The following DNAAF9 variants were observed in gnomAD, a reference collection of about 807,000 sequenced individuals.
DNAAF9 encodes the protein shulin.
A neutral mutation model predicts 167.0 loss-of-function variants in DNAAF9; 90 were observed. The ratio of observed to expected loss-of-function variants is 0.54; its 90% CI spans 0.45 to 0.64. The LOEUF is 0.64. DNAAF9 is among the 30% of genes least tolerant of loss of function. The pLI is 0.00. For synonymous variants in DNAAF9, 491 were observed against 508.8 expected, an observed-to-expected ratio of 0.96 and a Z score of 0.47; for missense variants, 1,315 against 1,442.2, an observed-to-expected ratio of 0.91 and a Z score of 1.43.
intron 32 of DNAAF9, 144 bp from the exon 33 acceptor site, chr20:3,259,698 C>A: frequency 1.4e-6 from 1 of 723,374 alleles, no homozygotes; most frequent in South Asian, 1.6e-5. Context: ...CACCCTGTTG[C>A]TCCCCTGTGG....
chr20:3,344,624 CA>C (rs778539341), intron 8 of DNAAF9, among the ~76,000 whole-genome samples: 2,244 of 146,352 alleles, frequency 0.015, 26 homozygotes, highest in Non-Finnish European at 0.023. Flanking sequence ...CACACACACA[CA>C]CACACACACA....
chr20:3,256,813 A>G (rs1429294536), intron 33 of DNAAF9, among the ~76,000 whole-genome samples: 1 of 152,166 alleles, frequency 6.6e-6, no homozygotes, highest in African/African-American at 2.4e-5. Flanking sequence ...CCTTGGTAGA[A>G]GTGGGGGGCT....
At chr20:3,367,558 T>C (rs560342945) in intron 6 of DNAAF9, among the ~76,000 whole-genome samples, 2 of 152,136 alleles carry the variant, frequency 1.3e-5, no homozygotes, top group Admixed American at 6.5e-5. Flanking sequence ...TTATTGGCCA[T>C]TGTAGGGTTA....
At position 3,371,117 on chromosome 20, in the gene DNAAF9, T is replaced by G. The variant is rs547148231; in HGVS notation, c.612+2931A>C. Among the ~76,000 whole-genome samples the G allele has an allele frequency of 3.2e-4, 48 of 152,252 alleles. No homozygotes were observed. The South Asian group carries it at 1.0e-2, about 32-fold the overall frequency. On this transcript the variant is annotated intron_variant, in intron 6 of 36. Coordinates refer to ENST00000252032, the MANE Select transcript of DNAAF9 (RefSeq NM_001009984.3). ...GGAAAAGCTTTTCAAGTGTGTCAAC[T>G]GATTAGATTTTTTATATCTTTTTTT...
chr20:3,294,952 G>A (rs1009899671), intron 23 of DNAAF9, among the ~76,000 whole-genome samples: 3 of 151,614 alleles, frequency 2.0e-5, no homozygotes, highest in Non-Finnish European at 2.9e-5. Context: ...TGCAAGCTCC[G>A]CCTCCCGGGT....
chr20:3,331,317 T>C (rs184539798), intron 11 of DNAAF9, among the ~76,000 whole-genome samples: 16 of 152,342 alleles, frequency 1.1e-4, no homozygotes, highest in South Asian at 8.3e-4. Flanking sequence ...GTTCTACCTC[T>C]TGCTTTATCT....
chr20:3,375,160 G>A lies in DNAAF9; in HGVS notation c.409-34C>T, dbSNP rs376379324. 7.4e-6 allele frequency: 9 copies of A among 1,222,936 alleles called. No homozygotes were observed. The South Asian group carries it at 1.1e-4, about 15-fold the overall frequency. 75.8% of individuals were successfully genotyped at this position (1,222,936 alleles called of 1,614,324 possible). A position where few individuals can be genotyped will look rare whatever the true frequency, so the allele number is the denominator to read the frequency against. Reference sequence around the variant, plus strand: ...ACAAATCAAAAGAAAAATAAGCTCTGATGAGATATCACACAAATTCCCATA... The same window carrying A: ...ACAAATCAAAAGAAAAATAAGCTCTAATGAGATATCACACAAATTCCCATA... On this transcript the variant is annotated intron_variant, in intron 4 of 36. Coordinates refer to ENST00000252032, the MANE Select transcript of DNAAF9 (RefSeq NM_001009984.3).
At chr20:3,380,506 C>T (rs896203185) in intron 3 of DNAAF9, among the ~76,000 whole-genome samples, 7 of 152,200 alleles carry the variant, frequency 4.6e-5, no homozygotes, top group Non-Finnish European at 1.0e-4. Context: ...TTAGCATCAT[C>T]TCTGGCCTCT....
At chr20:3,394,937 A>ATTTTT (rs1568647856) in intron 1 of DNAAF9, among the ~76,000 whole-genome samples, 21 of 102,406 alleles carry the variant, frequency 2.1e-4, no homozygotes, top group African/African-American at 7.5e-4. Flanking sequence ...TTTACTGAAC[A>ATTTTT]TTTTCTTTTT....
intron 21 of DNAAF9, among the ~76,000 whole-genome samples, chr20:3,300,906 C>T (rs199657061): frequency 6.7e-6 from 1 of 149,762 alleles, no homozygotes. Flanking sequence ...AAATGCAACT[C>T]ATTTTGAAAA....
At chr20:3,336,943 G>A (rs958401978) in intron 10 of DNAAF9, among the ~76,000 whole-genome samples, 2 of 141,632 alleles carry the variant, frequency 1.4e-5, no homozygotes, top group Non-Finnish European at 3.0e-5. Flanking sequence ...GCAGTGGCAC[G>A]ATCTCGGCTC....
intron 31 of DNAAF9, among the ~76,000 whole-genome samples, chr20:3,262,209 A>G (rs1456630113): frequency 6.6e-6 from 1 of 151,644 alleles, no homozygotes; most frequent in Non-Finnish European, 1.5e-5. Flanking sequence ...CTGATTCTCT[A>G]TAAGGACTGA....
intron 7 of DNAAF9, among the ~76,000 whole-genome samples, chr20:3,358,632 A>G (rs1442569079): frequency 1.3e-5 from 2 of 152,186 alleles, no homozygotes; most frequent in Non-Finnish European, 2.9e-5. Flanking sequence ...TTTCAAGGAA[A>G]GACAATTTTT....
intron 12 of DNAAF9, among the ~76,000 whole-genome samples, chr20:3,326,891 G>A (rs752695338): frequency 6.6e-6 from 1 of 152,070 alleles, no homozygotes; most frequent in Non-Finnish European, 1.5e-5. Context: ...AAACTGTGTA[G>A]ACTCCTTGAC....
At chr20:3,338,199 G>T (rs987314805) in intron 10 of DNAAF9, among the ~76,000 whole-genome samples, 1 of 151,702 alleles carries the variant, frequency 6.6e-6, no homozygotes, top group East Asian at 1.9e-4. Flanking sequence ...TTTCTCTTTT[G>T]TTTCCTCCTT....
intron 33 of DNAAF9, among the ~76,000 whole-genome samples, chr20:3,256,470 C>T (rs1271864354): frequency 6.6e-6 from 1 of 152,028 alleles, no homozygotes; most frequent in Non-Finnish European, 1.5e-5. Flanking sequence ...TGAGATTGCG[C>T]CACTGTACTC....
chr20:3,383,291 TGAGA>T (rs2083687947), intron 1 of DNAAF9, among the ~76,000 whole-genome samples: 1 of 147,324 alleles, frequency 6.8e-6, no homozygotes. Flanking sequence ...TTTTTTTTTT[TGAGA>T]TGGAGTCTGG....
chr20:3,258,496 A>G (rs1461988244), intron 33 of DNAAF9, among the ~76,000 whole-genome samples: 2 of 152,174 alleles, frequency 1.3e-5, no homozygotes, highest in East Asian at 1.9e-4. Flanking sequence ...AGAAAGGCAC[A>G]GCAATCCAAT....
chr20:3,281,547 C>T (rs2068764336), intron 28 of DNAAF9, 94 bp downstream of exon 28: 2 of 1,201,754 alleles, frequency 1.7e-6, no homozygotes. Context: ...TTACTACATA[C>T]AAGGTGACTA....
Sources: gnomAD v4.1 joint callset for allele counts (sites outside exome capture counted in the v4.1 genomes callset) on GRCh38, gnomAD v4.1.1 for gene constraint, MANE v1.5 for transcripts, NCBI Gene and HGNC (gene_info 2026-07-23, HGNC 2026-07-21) for gene names.